The following RPS6KC1 variants were observed in gnomAD, a reference collection of about 807,000 sequenced individuals.
The protein encoded by RPS6KC1 is inactive ribosomal protein S6 kinase delta-1.
In RPS6KC1, 54 loss-of-function variants were observed where a neutral mutation model predicts 103.8. The observed-to-expected ratio is 0.52, with a 90% CI of 0.42 to 0.65. The LOEUF (loss-of-function observed/expected upper bound fraction) is 0.65. RPS6KC1 is among the 30% of genes least tolerant of loss of function. RPS6KC1 has a pLI of 0.00. For missense variants in RPS6KC1, 1,151 were observed against 1,253.8 expected (o/e 0.92, Z 1.24); for synonymous variants, 439 against 438.7 (o/e 1.00, Z -0.01).
the RPS6KC1 span, among the ~76,000 whole-genome samples, chr1:213,410,545 C>G: frequency 1.3e-5 from 2 of 151,908 alleles, no homozygotes; most frequent in African/African-American, 4.8e-5. Context: ...AGAGGGAGGA[C>G]TTGGTGGAAG....
At chr1:213,528,047 G>A in the RPS6KC1 span, among the ~76,000 whole-genome samples, 1 of 152,122 alleles carries the variant, frequency 6.6e-6, no homozygotes, top group Non-Finnish European at 1.5e-5. Flanking sequence ...GGTAGGTCTT[G>A]CTGTCTCAGG....
chr1:213,602,130 C>CTT, the RPS6KC1 span, among the ~76,000 whole-genome samples: 1 of 48,078 alleles, frequency 2.1e-5, no homozygotes, highest in African/African-American at 8.8e-5. Flanking sequence ...CTCTTTCTTT[C>CTT]TTTCTTTCTT....
chr1:213,772,654 G>A, the RPS6KC1 span, among the ~76,000 whole-genome samples: 3 of 138,140 alleles, frequency 2.2e-5, no homozygotes, highest in African/African-American at 8.1e-5. Context: ...GATGGTTACA[G>A]GCAGGGAGAA....
chr1:213,230,434 T>G, intron 8 of RPS6KC1, 63 bp from the exon 9 acceptor site: 1 of 1,247,708 alleles, frequency 8.0e-7, no homozygotes, highest in Admixed American at 2.0e-5. Flanking sequence ...AAGTTTAGTT[T>G]AAAGCTAAGA....
downstream of RPS6KC1, among the ~76,000 whole-genome samples, chr1:213,277,708 G>A (rs1396191355): frequency 6.6e-6 from 1 of 152,212 alleles, no homozygotes; most frequent in East Asian, 1.9e-4. Flanking sequence ...AAGACAGCTG[G>A]TACAACTGGT....
At chr1:213,269,234 A>G (rs2094984111) in intron 14 of RPS6KC1, among the ~76,000 whole-genome samples, 1 of 152,246 alleles carries the variant, frequency 6.6e-6, no homozygotes. Flanking sequence ...CATGTTTCAT[A>G]GTGATAGTAC....
the RPS6KC1 span, among the ~76,000 whole-genome samples, chr1:213,721,456 T>C: frequency 6.6e-6 from 1 of 152,324 alleles, no homozygotes; most frequent in East Asian, 1.9e-4. Context: ...TTGGCTGTCC[T>C]TTTATCTCTT....
chr1:213,810,263 A>T, the RPS6KC1 span, among the ~76,000 whole-genome samples: 6 of 152,222 alleles, frequency 3.9e-5, no homozygotes, highest in Admixed American at 3.3e-4. Flanking sequence ...GACTCAACAA[A>T]TCAGTGGGAA....
chr1:213,121,818 GTAAT>G (rs886155456), intron 5 of RPS6KC1, among the ~76,000 whole-genome samples: 5 of 152,082 alleles, frequency 3.3e-5, no homozygotes, highest in Admixed American at 6.6e-5. Flanking sequence ...AAATAATTAG[GTAAT>G]TGTAACCACA....
the RPS6KC1 span, among the ~76,000 whole-genome samples, chr1:213,721,513 G>T: frequency 2.0e-5 from 3 of 152,172 alleles, no homozygotes; most frequent in African/African-American, 7.2e-5. Context: ...CTGTGATTGG[G>T]AGGCCTCCCC....
At chr1:213,408,918 A>T in the RPS6KC1 span, among the ~76,000 whole-genome samples, 7 of 152,208 alleles carry the variant, frequency 4.6e-5, no homozygotes, top group Admixed American at 2.0e-4. Context: ...ACGGTAGAGA[A>T]CTATCGCATC....
chr1:213,487,013 C>T, the RPS6KC1 span, among the ~76,000 whole-genome samples: 1 of 152,174 alleles, frequency 6.6e-6, no homozygotes, highest in Non-Finnish European at 1.5e-5. Context: ...CTGAAATTTG[C>T]AGCACCTTGA....
At chr1:213,739,390 G>T in the RPS6KC1 span, among the ~76,000 whole-genome samples, 1 of 152,140 alleles carries the variant, frequency 6.6e-6, no homozygotes, top group Non-Finnish European at 1.5e-5. Flanking sequence ...TAAGTTTTGG[G>T]AGAGTCAAAA....
chr1:213,546,526 A>G, the RPS6KC1 span: 1 of 152,212 alleles, frequency 6.6e-6, no homozygotes, highest in East Asian at 1.9e-4. Context: ...AACATATATT[A>G]TTACATTTTA....
chr1:213,187,707 T>G (rs909729541), intron 8 of RPS6KC1, among the ~76,000 whole-genome samples: 1 of 152,152 alleles, frequency 6.6e-6, no homozygotes. Flanking sequence ...TGTTTTGTCC[T>G]TTTGGGGAGG....
At chr1:213,311,528 G>T in the RPS6KC1 span, among the ~76,000 whole-genome samples, 2 of 152,158 alleles carry the variant, frequency 1.3e-5, no homozygotes, top group African/African-American at 2.4e-5. Flanking sequence ...AGAAGGGAGG[G>T]TAGAAATTTG....
chr1:213,555,389 C>T, the RPS6KC1 span, among the ~76,000 whole-genome samples: 1 of 152,154 alleles, frequency 6.6e-6, no homozygotes, highest in Non-Finnish European at 1.5e-5. Flanking sequence ...AAAATGTATT[C>T]CTGCCATTTT....
the RPS6KC1 span, among the ~76,000 whole-genome samples, chr1:213,391,414 T>G: frequency 6.6e-6 from 1 of 152,080 alleles, no homozygotes; most frequent in Non-Finnish European, 1.5e-5. Context: ...ACAAGTAAAC[T>G]AAACAAGCAG....
At chr1:213,755,805 C>A in the RPS6KC1 span, among the ~76,000 whole-genome samples, 10 of 152,208 alleles carry the variant, frequency 6.6e-5, no homozygotes, top group Non-Finnish European at 1.3e-4. Context: ...CCATGTACCA[C>A]CCCAAAGACA....
Sources: allele counts gnomAD v4.1 joint callset (sites outside exome capture counted in the v4.1 genomes callset), GRCh38; gene constraint gnomAD v4.1.1; transcripts MANE v1.5; gene names NCBI Gene and HGNC (gene_info 2026-07-23, HGNC 2026-07-21).